NOTCH3: variants seen among roughly 807,000 people sequenced by gnomAD.
NOTCH3 encodes the protein neurogenic locus notch homolog protein 3.
NOTCH3 carries 86 observed loss-of-function variants against 213.3 expected under a neutral mutation model. The observed-to-expected ratio is 0.40, with a 90% CI of 0.34 to 0.48. NOTCH3 has a LOEUF of 0.48. Ranked by LOEUF, NOTCH3 falls within the 20% of genes least tolerant of loss-of-function variation. The pLI is 0.57. For missense variants in NOTCH3, 2,783 were observed against 3,272.6 expected, an observed-to-expected ratio of 0.85 and a Z score of 3.65; for synonymous variants, 1,354 against 1,355.9, an observed-to-expected ratio of 1.00 and a Z score of 0.03.
intron 12 of NOTCH3, among the ~76,000 whole-genome samples, chr19:15,186,375 T>TG (rs2046881160): frequency 1.6e-5 from 2 of 123,206 alleles, no homozygotes; most frequent in Admixed American, 8.8e-5. Context: ...TTGTTTGTTT[T>TG]TGTATGTGTG....
At position 15,185,512 on chromosome 19, in the gene NOTCH3, C is replaced by G. The variant is rs1378515982; in HGVS notation, c.2119G>C (p.Gly707Arg). 6.2e-7 allele frequency: 1 copy of G among 1,612,182 alleles called. No homozygotes were observed. Among genetic ancestry groups the G allele is most frequent in the Non-Finnish European group, 8.5e-7 (1 of 1,179,598 alleles). The change falls in exon 13 of 33, where the codon GGC becomes CGC. Residue 707 changes from glycine (G) to arginine (R), a missense_variant. Physicochemically the swap from Gly to Arg is moderately radical, Grantham distance 125 (BLOSUM62 -2). This residue lies in a region of NOTCH3 where 861 missense variants were observed against 909.1 expected (regional missense o/e 0.95). Transcript: ENST00000263388. The surrounding 1 kb of genome is among the most constrained non-coding windows in gnomAD (Gnocchi z 4.2). ...HPCAHEPCSH[G>R]ICYDAPGGFR... ...CCGCCAGGTGCATCATAGCAGATGC[C>G]GTGACTGCAGGGCTCATGGGCACAG... is the stretch of plus-strand genomic sequence containing the variant.
rs766937224 is a variant in NOTCH3 at position 15,180,727 on chromosome 19, G to A, written c.3096C>T (p.Leu1032=). The change falls in exon 19 of 33, where the codon CTC becomes CTT. Residue 1032 remains leucine (L), a synonymous_variant. Coordinates refer to ENST00000263388, the MANE Select transcript of NOTCH3 (RefSeq NM_000435.3). ...CLCPPGWSGR[L]CDIRSLPCRE... ...TGCAGGGCAAGCTTCGGATGTCACA[G>A]AGGCGTCCGCTCCATCCAGGGGGAC... 3.2e-6 allele frequency: 5 copies of A among 1,571,536 alleles called. No homozygotes were observed. In the East Asian group the frequency reaches 7.0e-5, roughly 22 times the overall value.
rs573033995 is a variant in NOTCH3, at chr19:15,198,515, C to T, written c.119-937G>A. Among the ~76,000 whole-genome samples the T allele has an allele frequency of 7.2e-5, 11 of 152,308 alleles. No homozygotes were observed. In the East Asian group the frequency reaches 1.2e-3, roughly 16 times the overall value. ...CCTCTAATCCCAACACTTTGGGAGG[C>T]CGAGGCTGGTGGATCACCTGAGGTC... On this transcript the variant is annotated intron_variant, in intron 1 of 32. Coordinates refer to ENST00000263388, the MANE Select transcript of NOTCH3 (RefSeq NM_000435.3).
chr19:15,182,974 A>G (rs1000791878), intron 16 of NOTCH3, among the ~76,000 whole-genome samples: 2 of 152,142 alleles, frequency 1.3e-5, no homozygotes, highest in African/African-American at 4.8e-5. Context: ...AAATTTAAAT[A>G]TATTAAATTT....
rs1312423536 is a variant in NOTCH3 at position 15,185,566 on chromosome 19, G to A, written c.2065C>T (p.Pro689Ser). ...TGGCTCGGGGGGAGGCAGAGTGGGG[G>A]CAAGGAGCCAGGCGGGCAGAGGCAG... ...FRCLCPPGSL[P>S]PLCLPPSHPC... is the part of the protein sequence containing the mutation. The change falls in exon 13 of 33, where the codon CCC becomes TCC. Residue 689 changes from proline to serine, a missense_variant. By Grantham distance (74) the Pro-to-Ser change is moderately conservative. Coordinates refer to ENST00000263388, the MANE Select transcript of NOTCH3 (RefSeq NM_000435.3). The surrounding 1 kb of genome is among the most constrained non-coding windows in gnomAD (Gnocchi z 4.2). 3 of 1,612,182 alleles carry A rather than the reference G, an allele frequency of 1.9e-6. No homozygotes were observed. Among genetic ancestry groups the A allele is most frequent in the Non-Finnish European group, 8.5e-7 (1 of 1,179,562 alleles).
Position 15,160,593 on chromosome 19 carries a change from G to T in NOTCH3, c.*69C>A. 8.5e-7 allele frequency: 1 copy of T among 1,175,724 alleles called. No homozygotes were observed. Among genetic ancestry groups the T allele is most frequent in the Non-Finnish European group, 1.3e-6 (1 of 779,938 alleles). 72.8% of individuals were successfully genotyped at this position (1,175,724 alleles called of 1,614,324 possible). A position where few individuals can be genotyped will look rare whatever the true frequency, so the allele number is the denominator to read the frequency against. ...TGAAAAAGACTAAAAGGAAGGAAGA[G>T]ACAGAGAAAGAAAGGAGGCAGGACG... On this transcript the variant is annotated 3_prime_UTR_variant, in exon 33 of 33. Transcript: ENST00000263388.
intron 23 of NOTCH3, chr19:15,178,326 C>T: frequency 1.9e-6 from 1 of 531,010 alleles, no homozygotes; most frequent in South Asian, 2.5e-5. Context: ...CAGGAGGCCA[C>T]GCCCCCCAAT....
At chr19:15,176,762 TAAAAAAA>T (rs61399527) in intron 24 of NOTCH3, among the ~76,000 whole-genome samples, 3 of 55,628 alleles carry the variant, frequency 5.4e-5, no homozygotes, top group Admixed American at 4.7e-4. Flanking sequence ...GACCCTGTCT[TAAAAAAA>T]AAAAAAAAAA....
intron 9 of NOTCH3, 53 bp from the exon 10 acceptor site, chr19:15,188,047 C>A (rs1290343275): frequency 2.2e-6 from 3 of 1,380,348 alleles, no homozygotes; most frequent in Non-Finnish European, 3.0e-6. Context: ...GAGCAGTACA[C>A]CCCTCTCCAG....
Position 15,191,883 on chromosome 19 carries a change from G to T in NOTCH3, c.680-16C>A. The T allele has an allele frequency of 6.2e-7, 1 of 1,613,920 alleles. No individual in the cohort carries two copies. Among genetic ancestry groups the T allele is most frequent in the South Asian group, 1.1e-5 (1 of 91,090 alleles). On this transcript the variant is annotated splice_polypyrimidine_tract_variant and intron_variant, in intron 4 of 32. Transcript: ENST00000263388. ...CCCTCAAACCCTAGCAGGGAAGGGG[G>T]CAAGGATGGTCACCGCCGGGCTGGC... is the stretch of plus-strand genomic sequence containing the variant.
Position 15,161,716 on chromosome 19 carries a change from T to TG in NOTCH3, c.5914-3dup, listed in dbSNP as rs763699925. 2 of 1,612,932 alleles carry TG rather than the reference T, an allele frequency of 1.2e-6. No homozygotes were observed. Among genetic ancestry groups the TG allele is most frequent in the Admixed American group, 1.7e-5 (1 of 59,938 alleles). ...GGCCAGGAATAGGGGGGTCTCCTCC[T>TG]GGGGGGCCAGAACCCACAGAGGTCA... On this transcript the variant is annotated splice_polypyrimidine_tract_variant and splice_region_variant and intron_variant, in intron 32 of 32. Coordinates refer to ENST00000263388, the MANE Select transcript of NOTCH3 (RefSeq NM_000435.3).
intron 23 of NOTCH3, chr19:15,178,400 G>C (rs191726964): frequency 5.7e-4 from 250 of 436,986 alleles, no homozygotes; most frequent in Non-Finnish European, 9.2e-4. Flanking sequence ...TTGTTTCTTT[G>C]TTTTTTGAGA....
At chr19:15,199,652 C>T (rs2046995579) in intron 1 of NOTCH3, among the ~76,000 whole-genome samples, 1 of 152,200 alleles carries the variant, frequency 6.6e-6, no homozygotes, top group African/African-American at 2.4e-5. Flanking sequence ...GTTTGCATCT[C>T]TGTTACGTGA....
intron 16 of NOTCH3, among the ~76,000 whole-genome samples, chr19:15,183,695 G>A (rs1180379965): frequency 6.6e-6 from 1 of 151,638 alleles, no homozygotes; most frequent in East Asian, 2.0e-4. Flanking sequence ...CACCTCGCCC[G>A]GCCTCTGGGG....
rs370854806 is a variant in NOTCH3 at position 15,161,743 on chromosome 19, C to T, written c.5914-29G>A. The T allele has an allele frequency of 7.2e-5, 115 of 1,603,480 alleles. No homozygotes were observed. The African/African-American group carries it at 1.3e-3, about 18-fold the overall frequency. On this transcript the variant is annotated intron_variant, in intron 32 of 32. Coordinates refer to ENST00000263388, the MANE Select transcript of NOTCH3 (RefSeq NM_000435.3). Reference sequence around the variant, plus strand: ...GGGGGCCAGAACCCACAGAGGTCAGCGAAACCCCAGCTAACAGTAGCAAAG... The same window carrying T: ...GGGGGCCAGAACCCACAGAGGTCAGTGAAACCCCAGCTAACAGTAGCAAAG...
intron 12 of NOTCH3, 151 bp downstream of exon 12, chr19:15,186,727 C>T: frequency 1.4e-6 from 1 of 733,262 alleles, no homozygotes; most frequent in Non-Finnish European, 2.4e-6. Context: ...TCGAAACAAC[C>T]TTATGCCAAT....
intron 32 of NOTCH3, 123 bp downstream of exon 32, chr19:15,162,342 A>T: frequency 1.2e-6 from 1 of 801,368 alleles, no homozygotes; most frequent in South Asian, 1.5e-5. Context: ...ATTATATTTT[A>T]ATCCAATGTT....
At chr19:15,178,142 G>A (rs1300633896) in intron 23 of NOTCH3, 52 bp from the exon 24 acceptor site, 5 of 1,152,480 alleles carry the variant, frequency 4.3e-6, no homozygotes, top group African/African-American at 3.1e-5. Context: ...GGGGAGTGGA[G>A]GGAAGGAGGA....
At chr19:15,176,159 A>ATTTTTTTTTTTTTTT (rs34620350) in intron 24 of NOTCH3, among the ~76,000 whole-genome samples, 1 of 119,980 alleles carries the variant, frequency 8.3e-6, no homozygotes. Flanking sequence ...AACAAAAGCA[A>ATTTTTTTTTTTTTTT]TTTTTTTTTT....
Sources: allele counts gnomAD v4.1 joint callset (sites outside exome capture counted in the v4.1 genomes callset), GRCh38; gene constraint gnomAD v4.1.1; regional missense constraint gnomAD v4.1.1; non-coding constraint Gnocchi (gnomAD v3.1); transcripts MANE v1.5; gene names NCBI Gene and HGNC (gene_info 2026-07-23, HGNC 2026-07-21).